The following WDR7 variants were observed in gnomAD, a reference collection of about 807,000 sequenced individuals.
WDR7 encodes the protein WD repeat domain 7.
Under a neutral mutation model 169.4 loss-of-function variants are expected in WDR7, and 46 were observed. The observed-to-expected ratio is 0.27, with a 90% CI of 0.21 to 0.35. WDR7 has a LOEUF of 0.35. WDR7 is among the 10% of genes least tolerant of loss of function. The pLI, the probability that WDR7 is intolerant of heterozygous loss-of-function variation, is 1.00. For missense variants in WDR7, 1,534 were observed against 1,859.3 expected (o/e 0.83, Z 3.22); for synonymous variants, 612 against 666.8 (o/e 0.92, Z 1.27).
At chr18:56,799,539 CAT>C (rs1411102029) in intron 19 of WDR7, among the ~76,000 whole-genome samples, 3 of 152,006 alleles carry the variant, frequency 2.0e-5, no homozygotes, top group African/African-American at 7.3e-5. Flanking sequence ...ACAACACTAA[CAT>C]ATTTACAGTA....
chr18:56,715,838 A>G (rs1316114022), intron 12 of WDR7, among the ~76,000 whole-genome samples: 1 of 152,210 alleles, frequency 6.6e-6, no homozygotes, highest in Non-Finnish European at 1.5e-5. Flanking sequence ...AAATAAAATG[A>G]CCACTTTTTG....
chr18:56,968,206 T>G (rs182564785), intron 26 of WDR7, among the ~76,000 whole-genome samples: 78 of 152,320 alleles, frequency 5.1e-4, no homozygotes, highest in Admixed American at 3.7e-3. Flanking sequence ...TTGAAAAGTT[T>G]TAAGTTCCTT....
intron 21 of WDR7, among the ~76,000 whole-genome samples, chr18:56,918,930 T>C (rs557232378): frequency 4.8e-4 from 73 of 152,338 alleles, no homozygotes; most frequent in African/African-American, 1.7e-3. Context: ...CCAGGGAACT[T>C]AACCTGTTTA....
Position 57,027,521 on chromosome 18 carries a change from G to A in WDR7, c.*314G>A, listed in dbSNP as rs945932504. 26 of 398,070 alleles carry A rather than the reference G, an allele frequency of 6.5e-5. No homozygotes were observed. Among genetic ancestry groups the A allele is most frequent in the African/African-American group, 5.3e-4 (26 of 48,716 alleles). 24.7% of individuals were successfully genotyped at this position (398,070 alleles called of 1,614,324 possible). ...GCTCTTGTTGCTTGGTGCAACAGAA[G>A]CACAAAAATCAATAAACACTGTGAT... On this transcript the variant is annotated 3_prime_UTR_variant, in exon 28 of 28. Transcript: ENST00000254442.
intron 20 of WDR7, among the ~76,000 whole-genome samples, chr18:56,850,003 T>A (rs2045619092): frequency 6.6e-6 from 1 of 152,220 alleles, no homozygotes; most frequent in Non-Finnish European, 1.5e-5. Flanking sequence ...ATTTGCCTTT[T>A]TTTTGTTTCA....
intron 27 of WDR7, among the ~76,000 whole-genome samples, chr18:57,025,664 A>G (rs2048357284): frequency 6.6e-6 from 1 of 152,174 alleles, no homozygotes; most frequent in African/African-American, 2.4e-5. Flanking sequence ...AACATTAGTC[A>G]TCTTAAAAGG....
rs150512738 is a variant in WDR7, at chr18:56,654,195, G to A, written c.-20+2619G>A. Among the ~76,000 whole-genome samples, 711 of 152,066 alleles carry A rather than the reference G, an allele frequency of 4.7e-3. 4 individuals are homozygous for A. Among genetic ancestry groups the A allele is most frequent in the Middle Eastern group, 0.017 (5 of 294 alleles). ...TTGCCAGGGTGGAGTGCAGTAGTGC[G>A]ATCTTGGCTCACTGCCATCTCTGTC... On this transcript the variant is annotated intron_variant, in intron 1 of 27. Coordinates refer to ENST00000254442, the MANE Select transcript of WDR7 (RefSeq NM_015285.3).
chr18:56,947,539 TC>T (rs555352383), intron 25 of WDR7, among the ~76,000 whole-genome samples: 11 of 152,226 alleles, frequency 7.2e-5, no homozygotes, highest in Admixed American at 1.3e-4. Context: ...TCTTCAGAAT[TC>T]CTTGTTAAAA....
At chr18:56,765,587 T>C (rs1241629314) in intron 16 of WDR7, among the ~76,000 whole-genome samples, 1 of 151,460 alleles carries the variant, frequency 6.6e-6, no homozygotes, top group African/African-American at 2.4e-5. Flanking sequence ...ATATATGTTA[T>C]AAACCTCACA....
At chr18:56,832,538 A>G (rs1312326906) in intron 20 of WDR7, among the ~76,000 whole-genome samples, 1 of 152,222 alleles carries the variant, frequency 6.6e-6, no homozygotes, top group Non-Finnish European at 1.5e-5. Context: ...CCGTGCCTCC[A>G]GACTGGGAGA....
intron 26 of WDR7, among the ~76,000 whole-genome samples, chr18:56,983,564 C>T (rs915884364): frequency 2.6e-5 from 2 of 76,358 alleles, no homozygotes; most frequent in Non-Finnish European, 5.2e-5. Flanking sequence ...TAAACACACA[C>T]ACACACAGAG....
chr18:56,921,344 T>G (rs953148100), intron 21 of WDR7, among the ~76,000 whole-genome samples: 1 of 152,188 alleles, frequency 6.6e-6, no homozygotes, highest in African/African-American at 2.4e-5. Flanking sequence ...GAGTAGCCCA[T>G]TTTCCTCTCT....
In WDR7 at chr18:56,840,881, A is replaced by G. The variant is rs568849750; in HGVS notation, c.3304+24737A>G. Among the ~76,000 whole-genome samples the G allele has an allele frequency of 1.1e-3, 168 of 152,108 alleles. 3 individuals are homozygous for G. In the Middle Eastern group the frequency reaches 0.024, roughly 22 times the overall value. ...TCTACAATTTTGTTATAAAATATGC[A>G]TGTTAGTAAACTATAAAATGGAAAA... On this transcript the variant is annotated intron_variant, in intron 20 of 27. Coordinates refer to ENST00000254442, the MANE Select transcript of WDR7 (RefSeq NM_015285.3).
At chr18:56,671,852 T>C (rs1385064468) in intron 1 of WDR7, among the ~76,000 whole-genome samples, 5 of 152,218 alleles carry the variant, frequency 3.3e-5, no homozygotes, top group African/African-American at 9.7e-5. Flanking sequence ...TACTTACATT[T>C]ATACACACAC....
chr18:56,691,627 G>T (rs1248353375), intron 8 of WDR7, 88 bp from the exon 9 acceptor site: 16 of 1,104,220 alleles, frequency 1.4e-5, no homozygotes, highest in African/African-American at 8.2e-5. Context: ...TCCCCTTTTT[G>T]TCCAATACCA....
intron 20 of WDR7, among the ~76,000 whole-genome samples, chr18:56,857,133 A>G (rs1240769477): frequency 6.6e-6 from 1 of 152,220 alleles, no homozygotes; most frequent in Non-Finnish European, 1.5e-5. Context: ...AAACATTCAG[A>G]GTAATTACCT....
At chr18:56,715,881 TTAACCATTAATG>T (rs1386147821) in intron 12 of WDR7, among the ~76,000 whole-genome samples, 1 of 152,142 alleles carries the variant, frequency 6.6e-6, no homozygotes, top group Non-Finnish European at 1.5e-5. Context: ...AATATTGTAT[TTAACCATTAATG>T]TAGCAACCAA....
chr18:56,759,622 T>C (rs977616361), intron 16 of WDR7, among the ~76,000 whole-genome samples: 1 of 152,180 alleles, frequency 6.6e-6, no homozygotes, highest in Non-Finnish European at 1.5e-5. Flanking sequence ...TATGTCTACT[T>C]AGAGAACTTC....
intron 21 of WDR7, among the ~76,000 whole-genome samples, chr18:56,885,657 T>TAAA (rs56039100): frequency 6.8e-6 from 1 of 146,546 alleles, no homozygotes. Flanking sequence ...CTGTCTCTAC[T>TAAA]AAAAAAAAAA....
Sources: allele counts gnomAD v4.1 joint callset (sites outside exome capture counted in the v4.1 genomes callset), GRCh38; gene constraint gnomAD v4.1.1; transcripts MANE v1.5; gene names NCBI Gene and HGNC (gene_info 2026-07-23, HGNC 2026-07-21).